The following BBS9 variants were observed in gnomAD, a reference collection of about 807,000 sequenced individuals.
BBS9 encodes the protein protein PTHB1.
A neutral mutation model predicts 117.7 loss-of-function variants in BBS9; 89 were observed. That is an observed-to-expected ratio of 0.76 (90% CI 0.64 to 0.90). BBS9 has a LOEUF of 0.90. Among genes scored for constraint, BBS9 ranks in the 40% least tolerant of loss-of-function variants. BBS9 has a pLI of 0.00. For missense variants in BBS9, 982 were observed against 1,042.2 expected, an observed-to-expected ratio of 0.94 and a Z score of 0.80; for synonymous variants, 379 against 370.9, an observed-to-expected ratio of 1.02 and a Z score of -0.25.
chr7:33,305,792 T>C (rs938989953), intron 9 of BBS9, among the ~76,000 whole-genome samples: 2 of 152,146 alleles, frequency 1.3e-5, no homozygotes, highest in African/African-American at 4.8e-5. Flanking sequence ...GGGTCTTCTG[T>C]CTTTTTTTCT....
At chr7:33,402,293 C>A (rs1584672310) in intron 19 of BBS9, among the ~76,000 whole-genome samples, 1 of 152,162 alleles carries the variant, frequency 6.6e-6, no homozygotes, top group Admixed American at 6.5e-5. Context: ...AATCTCATCT[C>A]CTATTTCTGC....
chr7:33,308,159 C>T (rs73099251), intron 9 of BBS9, among the ~76,000 whole-genome samples: 6 of 152,048 alleles, frequency 3.9e-5, no homozygotes, highest in African/African-American at 1.4e-4. Context: ...GCTCAGGCAG[C>T]TAGCTGAATG....
chr7:33,230,626 T>A (rs532399833), intron 5 of BBS9, among the ~76,000 whole-genome samples: 1 of 152,216 alleles, frequency 6.6e-6, no homozygotes, highest in South Asian at 2.1e-4. Flanking sequence ...CTGTACACCT[T>A]TGTGTTCCCG....
intron 21 of BBS9, among the ~76,000 whole-genome samples, chr7:33,555,408 C>T (rs1020917569): frequency 6.6e-6 from 1 of 152,184 alleles, no homozygotes. Flanking sequence ...CAGGCTTGGT[C>T]TCTGCCATCA....
In BBS9 at chr7:33,225,182, TA is replaced by T. The variant is rs1298030749; in HGVS notation, c.443-32053del. ...TATGTGATGCCTTTCAATTTATTGATATTATTGTTATTATTTGTTTATATTT... is the reference window on the plus strand; with the variant it reads ...TATGTGATGCCTTTCAATTTATTGATTTATTGTTATTATTTGTTTATATTT... On this transcript the variant is annotated intron_variant, in intron 5 of 22. Coordinates refer to ENST00000242067, the MANE Select transcript of BBS9 (RefSeq NM_198428.3). Among the ~76,000 whole-genome samples the T allele has an allele frequency of 3.3e-5, 5 of 152,160 alleles. No individual in the cohort carries two copies. In the East Asian group the frequency reaches 7.7e-4, roughly 23 times the overall value.
chr7:33,403,631 C>A, intron 19 of BBS9, among the ~76,000 whole-genome samples: 1 of 151,784 alleles, frequency 6.6e-6, no homozygotes, highest in East Asian at 1.9e-4. Context: ...CATGTCCCTA[C>A]AAAGGACATG....
intron 2 of BBS9, 118 bp from the exon 3 acceptor site, chr7:33,152,583 C>A: frequency 3.0e-6 from 3 of 987,174 alleles, no homozygotes; most frequent in South Asian, 3.1e-5. Flanking sequence ...GTGTATAAAG[C>A]AAGACTGAAT....
At chr7:33,145,400 A>G (rs1166997482) in intron 1 of BBS9, among the ~76,000 whole-genome samples, 2 of 152,168 alleles carry the variant, frequency 1.3e-5, no homozygotes, top group Non-Finnish European at 2.9e-5. Flanking sequence ...TGCTCATTCT[A>G]GATAAGAAAT....
chr7:33,132,505 A>G (rs1789779814), intron 1 of BBS9, among the ~76,000 whole-genome samples: 2 of 152,232 alleles, frequency 1.3e-5, no homozygotes, highest in Admixed American at 6.5e-5. Context: ...GCAACTGGAA[A>G]TCAACACTGA....
intron 21 of BBS9, among the ~76,000 whole-genome samples, chr7:33,537,170 A>C (rs1053674200): frequency 3.9e-5 from 6 of 152,120 alleles, no homozygotes; most frequent in African/African-American, 1.4e-4. Flanking sequence ...AGTGTGTGTA[A>C]TTTTGCCATG....
chr7:33,388,132 A>C lies in BBS9; in HGVS notation c.2103A>C (p.Gly701=), dbSNP rs1826370755. 2 of 1,614,032 alleles carry C rather than the reference A, an allele frequency of 1.2e-6. No individual in the cohort carries two copies. The highest frequency in any genetic ancestry group is 8.5e-7 in the Non-Finnish European group (1 of 1,180,010). Residue 701 remains glycine, a synonymous_variant, in exon 19 of 23, where the codon GGA becomes GGC. Coordinates refer to ENST00000242067, the MANE Select transcript of BBS9 (RefSeq NM_198428.3). ...PLQHLDTLLD[G]TYKQVIALAD... Reference sequence around the variant, plus strand: ...AACACCTGGACACCTTGTTAGATGGAACCTACAAGCAGGTCAGTATAATAT... The same window carrying C: ...AACACCTGGACACCTTGTTAGATGGCACCTACAAGCAGGTCAGTATAATAT...
At chr7:33,433,067 T>C (rs1002188014) in intron 19 of BBS9, among the ~76,000 whole-genome samples, 8 of 152,186 alleles carry the variant, frequency 5.3e-5, no homozygotes, top group African/African-American at 1.9e-4. Context: ...AATCATTTCC[T>C]CCAGTACCAC....
rs546927244 is a variant in BBS9, at chr7:33,210,788, C to T, written c.442+33197C>T. Reference sequence around the variant, plus strand: ...TCCTCTGCCTCGGTCTCCCAAAGTGCTGGGATTACAGGCATGAGCCACCGA... The same window carrying T: ...TCCTCTGCCTCGGTCTCCCAAAGTGTTGGGATTACAGGCATGAGCCACCGA... On this transcript the variant is annotated intron_variant, in intron 5 of 22. Coordinates refer to ENST00000242067, the MANE Select transcript of BBS9 (RefSeq NM_198428.3). 1.1e-4 allele frequency among the ~76,000 whole-genome samples: 17 copies of T among 152,172 alleles called. 1 individual carries two copies. The South Asian group carries it at 2.3e-3, about 20-fold the overall frequency.
At chr7:33,161,168 C>T (rs1385220579) in intron 4 of BBS9, among the ~76,000 whole-genome samples, 4 of 151,908 alleles carry the variant, frequency 2.6e-5, no homozygotes, top group African/African-American at 4.8e-5. Flanking sequence ...ACATGTACAA[C>T]GTGCAGGTTT....
At chr7:33,234,646 G>C (rs1157112684) in intron 5 of BBS9, among the ~76,000 whole-genome samples, 1 of 151,524 alleles carries the variant, frequency 6.6e-6, no homozygotes. Flanking sequence ...ATCATATATA[G>C]ATATCTATCT....
chr7:33,318,485 T>G (rs951848719), intron 9 of BBS9, among the ~76,000 whole-genome samples: 1 of 152,186 alleles, frequency 6.6e-6, no homozygotes, highest in African/African-American at 2.4e-5. Flanking sequence ...AATCCCATAT[T>G]CTCACTGCCT....
At position 33,304,382 on chromosome 7, in the gene BBS9, C is replaced by T. The variant is rs893530535; in HGVS notation, c.1016+30426C>T. On this transcript the variant is annotated intron_variant, in intron 9 of 22. Transcript: ENST00000242067. Reference sequence around the variant, plus strand: ...GAGGTGAGGAGCACCTCTGCCCGGCCGCCACCCCATCTGGGAGGTGAGGAG... The same window carrying T: ...GAGGTGAGGAGCACCTCTGCCCGGCTGCCACCCCATCTGGGAGGTGAGGAG... Among the ~76,000 whole-genome samples the T allele has an allele frequency of 5.1e-5, 7 of 138,404 alleles. No individual in the cohort carries two copies. The East Asian group carries it at 1.0e-3, about 20-fold the overall frequency. 90.8% of individuals were successfully genotyped at this position (138,404 alleles called of 152,430 possible).
chr7:33,285,584 G>T (rs890136197), intron 9 of BBS9, among the ~76,000 whole-genome samples: 2 of 152,048 alleles, frequency 1.3e-5, no homozygotes, highest in African/African-American at 2.4e-5. Context: ...CAGATAAAAG[G>T]TCTTTATGAG....
chr7:33,464,127 T>C (rs1839852432), intron 19 of BBS9, among the ~76,000 whole-genome samples: 1 of 152,140 alleles, frequency 6.6e-6, no homozygotes. Context: ...TAAATTTGAC[T>C]GTCTGGTTTG....
Sources: allele counts gnomAD v4.1 joint callset (sites outside exome capture counted in the v4.1 genomes callset), GRCh38; gene constraint gnomAD v4.1.1; transcripts MANE v1.5; gene names NCBI Gene and HGNC (gene_info 2026-07-23, HGNC 2026-07-21).